MBP: variants seen among roughly 807,000 people sequenced by gnomAD.
MBP encodes myelin basic protein.
Under a neutral mutation model 35.8 loss-of-function variants are expected in MBP, and 16 were observed. That is an observed-to-expected ratio of 0.45 (90% confidence interval 0.30 to 0.68). The LOEUF (loss-of-function observed/expected upper bound fraction) is 0.68. Among genes scored for constraint, MBP ranks in the 30% least tolerant of loss-of-function variants. MBP has a pLI of 0.08. For synonymous variants in MBP, 143 were observed against 159.6 expected, an observed-to-expected ratio of 0.90 and a Z score of 0.78; for missense variants, 380 against 404.7, an observed-to-expected ratio of 0.94 and a Z score of 0.52.
intron 4 of MBP, among the ~76,000 whole-genome samples, chr18:76,995,970 AG>A (rs1970243893): frequency 6.6e-6 from 1 of 152,224 alleles, no homozygotes; most frequent in Non-Finnish European, 1.5e-5. Context: ...GAATCTGTAA[AG>A]GGCTCTCAAG....
chr18:77,076,914 A>T (rs540433555), intron 2 of MBP, among the ~76,000 whole-genome samples: 3 of 152,156 alleles, frequency 2.0e-5, no homozygotes, highest in Admixed American at 6.5e-5. Flanking sequence ...CTTTGCGATC[A>T]AGGGCAAGTG....
intron 3 of MBP, among the ~76,000 whole-genome samples, chr18:77,052,065 G>A (rs1368928075): frequency 6.6e-6 from 1 of 152,192 alleles, no homozygotes; most frequent in Non-Finnish European, 1.5e-5. Context: ...GCTGGAGAAG[G>A]CGTGTGAGTG....
In MBP at chr18:77,057,981, T is replaced by G. The variant is rs534447782; in HGVS notation, c.139+8317A>C. 7.7e-5 allele frequency among the ~76,000 whole-genome samples: 5 copies of G among 65,272 alleles called. 2 individuals are homozygous for G. In the South Asian group the frequency reaches 2.6e-3, roughly 34 times the overall value. The allele number at this position is 65,272 out of a possible 152,430, so 42.8% of individuals were successfully genotyped here. ...AGCTGGGACTACAGGCGCCCGCCAC[T>G]ACGCCCGGCTAATTTTTTGTATTTT... is the stretch of plus-strand genomic sequence containing the variant. On this transcript the variant is annotated intron_variant, in intron 3 of 8. Transcript: ENST00000355994.
chr18:77,050,056 T>C (rs1973424413), intron 3 of MBP, among the ~76,000 whole-genome samples: 1 of 152,236 alleles, frequency 6.6e-6, no homozygotes, highest in Non-Finnish European at 1.5e-5. Context: ...CATTTTTTAC[T>C]TAGTGTAGAG....
In MBP at chr18:76,988,455, GA is replaced by G. The variant is rs1969694793; in HGVS notation, c.750+39del. On this transcript the variant is annotated intron_variant, in intron 7 of 8. Coordinates refer to ENST00000355994, the MANE Select transcript of MBP (RefSeq NM_001025101.2). The surrounding 1 kb of genome is among the most constrained non-coding windows in gnomAD (Gnocchi z 5.2). ...AAAGTTGCGGGGCTGTGAGGACTGG[GA>G]CGGAAGAGGAAGCCGATGGAAGTGC... The G allele has an allele frequency of 5.0e-6, 8 of 1,614,100 alleles. No homozygotes were observed. Among genetic ancestry groups the G allele is most frequent in the Non-Finnish European group, 6.8e-6 (8 of 1,180,058 alleles).
intron 7 of MBP, chr18:76,987,997 TGGA>T: frequency 7.8e-7 from 1 of 1,287,828 alleles, no homozygotes; most frequent in East Asian, 3.7e-5. Context: ...CAAAAATCTT[TGGA>T]TTAATGAGGT....
chr18:76,990,258 C>A (rs181534434), intron 4 of MBP, among the ~76,000 whole-genome samples, 198 bp from the exon 5 acceptor site: 51 of 151,696 alleles, frequency 3.4e-4, no homozygotes, highest in Non-Finnish European at 4.9e-4. Flanking sequence ...TTCAACTCCA[C>A]GAACAGTAAG....
chr18:77,064,308 C>T (rs1396814730), intron 3 of MBP, among the ~76,000 whole-genome samples: 3 of 152,168 alleles, frequency 2.0e-5, no homozygotes, highest in East Asian at 1.9e-4. Context: ...GTCATGGACG[C>T]GGCTGCCTTC....
At chr18:76,984,412 C>T in intron 8 of MBP, 1 of 262,706 alleles carries the variant, frequency 3.8e-6, no homozygotes, top group East Asian at 9.6e-5. Flanking sequence ...CCCCCCGACA[C>T]CCACGTCTGC....
intron 1 of MBP, among the ~76,000 whole-genome samples, chr18:77,129,847 T>C (rs973574817): frequency 6.6e-6 from 1 of 152,070 alleles, no homozygotes; most frequent in African/African-American, 2.4e-5. Flanking sequence ...CTGGCCAACA[T>C]GGTGAGGCCC....
intron 4 of MBP, chr18:77,002,821 G>GAAAGGGA: frequency 6.6e-6 from 1 of 152,232 alleles, no homozygotes; most frequent in East Asian, 1.9e-4. Flanking sequence ...AGTCATAGGA[G>GAAAGGGA]AAAGGGAAAA....
At chr18:77,124,595 AG>A (rs935488605) in intron 1 of MBP, among the ~76,000 whole-genome samples, 4 of 152,042 alleles carry the variant, frequency 2.6e-5, no homozygotes, top group Non-Finnish European at 5.9e-5. Context: ...GTGAGTTCGG[AG>A]GGGATGGGAG....
chr18:76,979,940 T>C lies in MBP; in HGVS notation c.*487A>G, dbSNP rs1341335452. 7.1e-6 allele frequency: 5 copies of C among 702,310 alleles called. No homozygotes were observed. The highest frequency in any genetic ancestry group is 1.0e-5 in the Non-Finnish European group (4 of 384,970). 43.5% of individuals were successfully genotyped at this position (702,310 alleles called of 1,614,324 possible). ...CTGTTAGGAAAAATGAAGTCTACTTTAGGAGGTGAGAGAAGGACAGGAAAA... is the reference window on the plus strand; with the variant it reads ...CTGTTAGGAAAAATGAAGTCTACTTCAGGAGGTGAGAGAAGGACAGGAAAA... On this transcript the variant is annotated 3_prime_UTR_variant, in exon 9 of 9. Coordinates refer to ENST00000355994, the MANE Select transcript of MBP (RefSeq NM_001025101.2).
At position 76,989,833 on chromosome 18, in the gene MBP, T is replaced by A. The variant is rs1568267887; in HGVS notation, c.681+123A>T. ...CGAGGGGGGAGTTCCCCGGCCGGCC[T>A]CACCCTGATGATGACCCCGGTGCCA... On this transcript the variant is annotated intron_variant, in intron 5 of 8. Transcript: ENST00000355994. This position sits in a 1 kb window ranked among gnomAD's most constrained non-coding sequence, Gnocchi z 4.0. 1.3e-6 allele frequency: 1 copy of A among 797,696 alleles called. No homozygotes were observed. The highest frequency in any genetic ancestry group is 2.7e-5 in the East Asian group (1 of 37,188). The allele number at this position is 797,696 out of a possible 1,614,324, so 49.4% of individuals were successfully genotyped here.
At position 77,100,515 on chromosome 18, in the gene MBP, GT is replaced by G. The variant is rs1265437473; in HGVS notation, c.51+4695del. Among the ~76,000 whole-genome samples the G allele has an allele frequency of 6.4e-4, 5 of 7,868 alleles. No homozygotes were observed. The Non-Finnish European group carries it at 0.012, about 19-fold the overall frequency. The allele number at this position is 7,868 out of a possible 152,430, so 5.2% of individuals were successfully genotyped here. On this transcript the variant is annotated intron_variant, in intron 2 of 8. Transcript: ENST00000355994. ...GGCCTAGATAGAATTTGGGGTGTGT[GT>G]GTGTGTGTGTGTGTGTGTGTGTGTG...
At chr18:77,014,904 C>T in intron 4 of MBP, 1 of 982,936 alleles carries the variant, frequency 1.0e-6, no homozygotes. Context: ...CTTCAAAATT[C>T]CTAAAGCAAT....
At chr18:77,011,822 T>C (rs983894154) in intron 4 of MBP, among the ~76,000 whole-genome samples, 2 of 152,234 alleles carry the variant, frequency 1.3e-5, no homozygotes, top group African/African-American at 4.8e-5. Context: ...AAAAAACTTT[T>C]AAAAACATTG....
At chr18:77,018,611 CTCAT>C (rs1259076338) in intron 3 of MBP, among the ~76,000 whole-genome samples, 1 of 101,280 alleles carries the variant, frequency 9.9e-6, no homozygotes, top group Non-Finnish European at 2.1e-5. Flanking sequence ...CATCTATCCA[CTCAT>C]CCATCCATCC....
intron 3 of MBP, among the ~76,000 whole-genome samples, chr18:77,056,088 A>T (rs993739232): frequency 6.6e-6 from 1 of 152,256 alleles, no homozygotes; most frequent in Non-Finnish European, 1.5e-5. Flanking sequence ...GTGCCAGCGC[A>T]TGGCAGTGAG....
Sources: gnomAD v4.1 joint callset for allele counts (sites outside exome capture counted in the v4.1 genomes callset) on GRCh38, gnomAD v4.1.1 for gene constraint, Gnocchi (gnomAD v3.1) non-coding constraint, MANE v1.5 for transcripts, NCBI Gene and HGNC (gene_info 2026-07-23, HGNC 2026-07-21) for gene names.